TRPM3: variants seen among roughly 807,000 people sequenced by gnomAD.
TRPM3 encodes long transient receptor potential channel 3.
In TRPM3, 77 loss-of-function variants were observed where a neutral mutation model predicts 181.2. The ratio of observed to expected loss-of-function variants is 0.42; its 90% CI spans 0.35 to 0.51. The LOEUF is 0.51. Among genes scored for constraint, TRPM3 ranks in the 20% least tolerant of loss-of-function variants. The pLI is 0.01. For missense variants in TRPM3, 1,759 were observed against 2,196.7 expected (o/e 0.80, Z 3.98); for synonymous variants, 745 against 796.4 (o/e 0.94, Z 1.09).
chr9:70,557,245 A>G (rs1288657128), intron 22 of TRPM3, among the ~76,000 whole-genome samples: 1 of 152,200 alleles, frequency 6.6e-6, no homozygotes, highest in African/African-American at 2.4e-5. Context: ...TAGCCTGGCC[A>G]TACAGAGCAG....
chr9:70,678,059 C>T (rs984143168), intron 9 of TRPM3, among the ~76,000 whole-genome samples: 1 of 151,622 alleles, frequency 6.6e-6, no homozygotes, highest in South Asian at 2.1e-4. Flanking sequence ...ACTGAATATC[C>T]TGGTGTGTGT....
intron 6 of TRPM3, among the ~76,000 whole-genome samples, chr9:70,788,383 C>T (rs1229144556): frequency 6.6e-6 from 1 of 152,082 alleles, no homozygotes; most frequent in Non-Finnish European, 1.5e-5. Context: ...GTGAAACTCA[C>T]TGAGGCCTCT....
intron 1 of TRPM3, among the ~76,000 whole-genome samples, chr9:71,309,506 C>A (rs571470952): frequency 2.0e-4 from 31 of 152,190 alleles, no homozygotes; most frequent in Admixed American, 5.9e-4. Flanking sequence ...GCATTACTAC[C>A]ATCACATATT....
chr9:71,164,565 G>C (rs1469599391), intron 1 of TRPM3, among the ~76,000 whole-genome samples: 3 of 152,076 alleles, frequency 2.0e-5, no homozygotes, highest in Non-Finnish European at 1.5e-5. Context: ...AGAAGAGTGT[G>C]AGGGAGAGAG....
chr9:70,829,205 T>C (rs1430129228), intron 5 of TRPM3, among the ~76,000 whole-genome samples: 1 of 152,200 alleles, frequency 6.6e-6, no homozygotes, highest in Non-Finnish European at 1.5e-5. Flanking sequence ...CAGTATGTAA[T>C]AACACACTAT....
intron 1 of TRPM3, among the ~76,000 whole-genome samples, chr9:71,282,306 CGAAAGAAAGAAAGAAAG>C (rs2084868201): frequency 3.7e-5 from 1 of 26,856 alleles, no homozygotes; most frequent in Non-Finnish European, 8.5e-5. Flanking sequence ...AAAGAAAGAA[CGAAAGAAAGAAAGAAAG>C]GAAAGAAAGA....
intron 1 of TRPM3, among the ~76,000 whole-genome samples, chr9:71,225,790 G>A (rs992606912): frequency 2.0e-5 from 3 of 151,690 alleles, no homozygotes; most frequent in African/African-American, 7.3e-5. Context: ...CCTAGTAGCT[G>A]GGATTACAGG....
At chr9:70,976,730 C>A (rs966428765) in intron 1 of TRPM3, among the ~76,000 whole-genome samples, 1 of 152,156 alleles carries the variant, frequency 6.6e-6, no homozygotes, top group South Asian at 2.1e-4. Flanking sequence ...ATGCCTCAAT[C>A]CCCTCATCTG....
At chr9:70,537,986 T>C (rs556488232) in intron 25 of TRPM3, among the ~76,000 whole-genome samples, 123 of 152,384 alleles carry the variant, frequency 8.1e-4, no homozygotes, top group African/African-American at 2.9e-3. Flanking sequence ...TTTTTGTTAT[T>C]CATGATAATC....
At chr9:71,112,701 CAAG>C (rs920990209) in intron 1 of TRPM3, among the ~76,000 whole-genome samples, 2 of 152,230 alleles carry the variant, frequency 1.3e-5, no homozygotes, top group African/African-American at 2.4e-5. Flanking sequence ...TTCTCAACTT[CAAG>C]AAGATTTTCA....
chr9:71,335,771 C>G (rs898591099), intron 1 of TRPM3, among the ~76,000 whole-genome samples: 2 of 142,768 alleles, frequency 1.4e-5, no homozygotes, highest in Non-Finnish European at 3.0e-5. Context: ...TATGGTCTAA[C>G]ATCAAGTGGA....
At chr9:71,283,544 T>TC (rs1487832944) in intron 1 of TRPM3, among the ~76,000 whole-genome samples, 1 of 152,092 alleles carries the variant, frequency 6.6e-6, no homozygotes, top group African/African-American at 2.4e-5. Flanking sequence ...GACCTCGTGA[T>TC]CCCCCGCCTT....
chr9:70,953,676 A>G (rs929202526), intron 1 of TRPM3, among the ~76,000 whole-genome samples: 2 of 152,158 alleles, frequency 1.3e-5, no homozygotes, highest in African/African-American at 4.8e-5. Flanking sequence ...CCTCCCCACC[A>G]GGTTCCAAAG....
At chr9:70,772,879 A>C (rs2080607895) in intron 7 of TRPM3, among the ~76,000 whole-genome samples, 1 of 152,208 alleles carries the variant, frequency 6.6e-6, no homozygotes, top group African/African-American at 2.4e-5. Context: ...GAAGGAAATC[A>C]CACTCTCTGA....
chr9:70,940,552 A>G (rs1220669570), intron 1 of TRPM3, among the ~76,000 whole-genome samples: 2 of 152,206 alleles, frequency 1.3e-5, no homozygotes, highest in Non-Finnish European at 2.9e-5. Context: ...TGGGGCTTAC[A>G]GTATGGTGGG....
intron 1 of TRPM3, among the ~76,000 whole-genome samples, chr9:70,869,782 G>A (rs1049544838): frequency 2.0e-5 from 3 of 152,130 alleles, no homozygotes; most frequent in Admixed American, 2.0e-4. Flanking sequence ...GGTGGCCTAT[G>A]GATGCAGATC....
At chr9:71,259,891 C>A (rs1274106684) in intron 1 of TRPM3, among the ~76,000 whole-genome samples, 3 of 151,924 alleles carry the variant, frequency 2.0e-5, no homozygotes, top group Non-Finnish European at 2.9e-5. Flanking sequence ...TTTATTAGAC[C>A]CCATTTTACA....
rs190968427 is a variant in TRPM3, at chr9:70,999,830, A to G, written c.177+121348T>C. Among the ~76,000 whole-genome samples, 6 of 152,282 alleles carry G rather than the reference A, an allele frequency of 3.9e-5. No homozygotes were observed. In the East Asian group the frequency reaches 1.2e-3, roughly 29 times the overall value. ...GGCCATCTAAAATATCCACACAGGGAGCATTCCTACGGCTTTCAGGAGCAT... is the reference window on the plus strand; with the variant it reads ...GGCCATCTAAAATATCCACACAGGGGGCATTCCTACGGCTTTCAGGAGCAT... On this transcript the variant is annotated intron_variant, in intron 1 of 25. Coordinates refer to ENST00000677713, the MANE Select transcript of TRPM3 (RefSeq NM_001366145.2).
At chr9:71,360,054 G>A (rs1409751120) in intron 1 of TRPM3, among the ~76,000 whole-genome samples, 1 of 152,150 alleles carries the variant, frequency 6.6e-6, no homozygotes, top group Non-Finnish European at 1.5e-5. Flanking sequence ...TAGAGGAAGA[G>A]TGGCCGGCAC....
Sources: allele counts gnomAD v4.1 joint callset (sites outside exome capture counted in the v4.1 genomes callset), GRCh38; gene constraint gnomAD v4.1.1; transcripts MANE v1.5; gene names NCBI Gene and HGNC (gene_info 2026-07-23, HGNC 2026-07-21).